Variants in DOCK8 observed in about 807,000 individuals in gnomAD.
The protein encoded by DOCK8 is dedicator of cytokinesis 8, also known as dedicator of cytokinesis protein 8.
Under a neutral mutation model 245.6 loss-of-function variants are expected in DOCK8, and 141 were observed. The observed-to-expected ratio is 0.57, with a 90% CI of 0.50 to 0.66. The LOEUF (loss-of-function observed/expected upper bound fraction) is 0.66. Among genes scored for constraint, DOCK8 ranks in the 30% least tolerant of loss-of-function variants. The probability of loss-of-function intolerance (pLI) is 0.00; values close to 1 mark genes in which losing one functional copy is unlikely to be tolerated. For synonymous variants in DOCK8, 1,168 were observed against 970.2 expected, an observed-to-expected ratio of 1.20 and a Z score of -3.79; for missense variants, 2,965 against 2,603.4, an observed-to-expected ratio of 1.14 and a Z score of -3.02.
Position 413,369 on chromosome 9 carries a change from C to T in DOCK8, c.3531-1413C>T, listed in dbSNP as rs529451688. ...AGGCAGTGGTTTCTTAGATATGACA[C>T]ACTCGAAAGTATGAGTAACAAGAAA... is the stretch of plus-strand genomic sequence containing the variant. On this transcript the variant is annotated intron_variant, in intron 28 of 47. Transcript: ENST00000432829. 1.1e-4 allele frequency among the ~76,000 whole-genome samples: 16 copies of T among 152,168 alleles called. No individual in the cohort carries two copies. The South Asian group carries it at 2.3e-3, about 22-fold the overall frequency.
At chr9:225,902 G>A (rs1234965990) in intron 1 of DOCK8, among the ~76,000 whole-genome samples, 1 of 152,148 alleles carries the variant, frequency 6.6e-6, no homozygotes, top group African/African-American at 2.4e-5. Flanking sequence ...TGATGTGTTG[G>A]AAGAAAAGCA....
In DOCK8 at chr9:340,170, C is replaced by G; in HGVS notation, c.1528C>G (p.Leu510Val). The change falls in exon 14 of 48, where the codon CTG becomes GTG. Residue 510 changes from leucine (L) to valine (V), a missense_variant. Leu to Val is a conservative substitution (Grantham distance 32). Transcript: ENST00000432829. ...TTTTCTCTCTTTAGGCTTGCTAAGA[C>G]TGGAGATTTCTACAGCTCCAGAGAT... Reference protein sequence around the residue: ...RVKSIPGLLRLEISTAPEIIN... With the variant: ...RVKSIPGLLRVEISTAPEIIN... 6.2e-7 allele frequency: 1 copy of G among 1,614,116 alleles called. No individual in the cohort carries two copies. The highest frequency in any genetic ancestry group is 8.5e-7 in the Non-Finnish European group (1 of 1,179,998).
chr9:455,056 C>G (rs1188247054), intron 46 of DOCK8, among the ~76,000 whole-genome samples: 1 of 152,192 alleles, frequency 6.6e-6, no homozygotes, highest in African/African-American at 2.4e-5. Flanking sequence ...AGTTGTTCTC[C>G]TACCCTTTTA....
chr9:278,164 A>T (rs1031524916), intron 2 of DOCK8, among the ~76,000 whole-genome samples: 1 of 152,052 alleles, frequency 6.6e-6, no homozygotes, highest in East Asian at 1.9e-4. Flanking sequence ...ACGTTTCTTT[A>T]TTGTCATTGT....
intron 4 of DOCK8, among the ~76,000 whole-genome samples, chr9:298,652 T>TGTGA (rs1379687675): frequency 7.1e-6 from 1 of 141,436 alleles, no homozygotes; most frequent in Non-Finnish European, 1.6e-5. Flanking sequence ...TGTGTGTGTG[T>TGTGA]GTCAGAGAGA....
chr9:248,520 CCTCCCTCTCTCTCTTTCTTTCTTTCTTT>C lies in DOCK8; in HGVS notation c.54-23103_54-23076del, dbSNP rs1445501249. ...CCTTCCTTGCCTCCTTCCATCCTTC[CCTCCCTCTCTCTCTTTCTTTCTTTCTTT>C]CTCTCTCTCTCTCTTTCTTTCTTTC... On this transcript the variant is annotated intron_variant, in intron 1 of 47. Coordinates refer to ENST00000432829, the MANE Select transcript of DOCK8 (RefSeq NM_203447.4). Among the ~76,000 whole-genome samples the C allele has an allele frequency of 6.0e-5, 9 of 150,460 alleles. No homozygotes were observed. In the South Asian group the frequency reaches 1.7e-3, roughly 28 times the overall value.
At chr9:322,411 C>T (rs1239309484) in intron 7 of DOCK8, among the ~76,000 whole-genome samples, 4 of 146,498 alleles carry the variant, frequency 2.7e-5, no homozygotes, top group Non-Finnish European at 1.5e-5. Flanking sequence ...CAAAACCTGA[C>T]CGAACACTCA....
Position 426,992 on chromosome 9 carries a change from C to G in DOCK8, c.4338+11C>G, listed in dbSNP as rs371689617. The G allele has an allele frequency of 6.2e-7, 1 of 1,607,818 alleles. No homozygotes were observed. Among genetic ancestry groups the G allele is most frequent in the Non-Finnish European group, 8.5e-7 (1 of 1,174,750 alleles). ...GAAAACATTATCCAGGTGAGGAAAACAAACACCCAATCTGATTTGTTGGCC... is the reference window on the plus strand; with the variant it reads ...GAAAACATTATCCAGGTGAGGAAAAGAAACACCCAATCTGATTTGTTGGCC... On this transcript the variant is annotated intron_variant, in intron 34 of 47. Transcript: ENST00000432829.
intron 1 of DOCK8, among the ~76,000 whole-genome samples, chr9:266,125 T>G (rs1181646475): frequency 6.6e-6 from 1 of 152,180 alleles, no homozygotes; most frequent in Non-Finnish European, 1.5e-5. Flanking sequence ...TTTTACGAAT[T>G]TTTTTCTCAA....
At chr9:400,871 A>T (rs1409308086) in intron 26 of DOCK8, among the ~76,000 whole-genome samples, 19 of 99,044 alleles carry the variant, frequency 1.9e-4, no homozygotes, top group Admixed American at 3.1e-4. Context: ...CTCCACCATC[A>T]CCACCACCTC....
At chr9:303,478 G>GT (rs1563897803) in intron 4 of DOCK8, among the ~76,000 whole-genome samples, 33 of 152,140 alleles carry the variant, frequency 2.2e-4, no homozygotes, top group African/African-American at 6.0e-4. Flanking sequence ...AAATCATGGG[G>GT]GTTTTTTTGC....
chr9:309,036 A>C (rs1464843884), intron 5 of DOCK8, among the ~76,000 whole-genome samples: 1 of 152,192 alleles, frequency 6.6e-6, no homozygotes, highest in Admixed American at 6.5e-5. Flanking sequence ...TTTTGGGGGC[A>C]TTTAGTTTAC....
chr9:431,159 C>T (rs766194452), intron 36 of DOCK8, among the ~76,000 whole-genome samples: 2 of 152,142 alleles, frequency 1.3e-5, no homozygotes, highest in African/African-American at 2.4e-5. Flanking sequence ...TAGGCATGAG[C>T]CATCCTGCCT....
upstream of DOCK8, among the ~76,000 whole-genome samples, chr9:211,772 A>C (rs1430730713): frequency 6.6e-6 from 1 of 152,096 alleles, no homozygotes; most frequent in East Asian, 1.9e-4. Context: ...CGTGTGACTT[A>C]CTCGGGATTA....
At chr9:214,544 C>A (rs879493055), upstream of DOCK8, 1 of 1,613,738 alleles carries the variant, frequency 6.2e-7, no homozygotes, top group Non-Finnish European at 8.5e-7. Context: ...ACCTCGCCAG[C>A]TTTGTGGGGC....
At chr9:400,001 C>CCACCACCACCTCCTTCACCATCACCAG (rs2054683478) in intron 26 of DOCK8, among the ~76,000 whole-genome samples, 1 of 109,166 alleles carries the variant, frequency 9.2e-6, no homozygotes, top group South Asian at 3.4e-4. Flanking sequence ...ACCACCTCCA[C>CCACCACCACCTCCTTCACCATCACCAG]CACCTCCACC....
At chr9:303,583 TA>T (rs1253504118) in intron 4 of DOCK8, among the ~76,000 whole-genome samples, 1 of 152,150 alleles carries the variant, frequency 6.6e-6, no homozygotes, top group Admixed American at 6.5e-5. Context: ...AAGCAGGAGC[TA>T]AACATCGGGT....
At chr9:226,781 T>C (rs1247058166) in intron 1 of DOCK8, among the ~76,000 whole-genome samples, 3 of 152,162 alleles carry the variant, frequency 2.0e-5, no homozygotes, top group Non-Finnish European at 4.4e-5. Flanking sequence ...CAAGTAGAAT[T>C]AGCTACTATG....
intron 4 of DOCK8, among the ~76,000 whole-genome samples, chr9:304,296 C>T (rs1440149620): frequency 6.6e-6 from 1 of 152,154 alleles, no homozygotes; most frequent in African/African-American, 2.4e-5. Context: ...AGCTCGGAGC[C>T]AAATGCCCCA....
Sources: gnomAD v4.1 joint callset for allele counts (sites outside exome capture counted in the v4.1 genomes callset) on GRCh38, gnomAD v4.1.1 for gene constraint, MANE v1.5 for transcripts, NCBI Gene and HGNC (gene_info 2026-07-23, HGNC 2026-07-21) for gene names.